ZDHHC15: variants seen among roughly 807,000 people sequenced by gnomAD.
ZDHHC15 encodes the protein zDHHC palmitoyltransferase 15.
Under a neutral mutation model 31.7 loss-of-function variants are expected in ZDHHC15, and 19 were observed. The ratio of observed to expected loss-of-function variants is 0.60; its 90% CI spans 0.42 to 0.88. ZDHHC15 has a LOEUF of 0.88. Among genes scored for constraint, ZDHHC15 ranks in the 40% least tolerant of loss-of-function variants. The pLI is 0.00. For synonymous variants in ZDHHC15, 103 were observed against 90.0 expected (o/e 1.14, Z -0.82); for missense variants, 209 against 251.2 (o/e 0.83, Z 1.14).
chrX:75,463,604 C>CAACAAA (rs1296063398), intron 3 of ZDHHC15, among the ~76,000 whole-genome samples: 49 of 110,861 alleles, frequency 4.4e-4, no homozygotes, highest in Middle Eastern at 4.7e-3. Context: ...ACAACAACAA[C>CAACAAA]AAAAAACCCA....
At chrX:75,458,039 T>C (rs752794425) in intron 3 of ZDHHC15, among the ~76,000 whole-genome samples, 8 of 111,596 alleles carry the variant, frequency 7.2e-5, no homozygotes, top group African/African-American at 2.6e-4. Flanking sequence ...AGAATGTTCA[T>C]TGGAGCTTTA....
chrX:75,515,127 C>T (rs1404857682), intron 1 of ZDHHC15, among the ~76,000 whole-genome samples: 3 of 111,032 alleles, frequency 2.7e-5, no homozygotes, highest in Non-Finnish European at 5.7e-5. Context: ...TGGATTCATA[C>T]CCGAATTCTA....
In ZDHHC15 at chrX:75,429,969, T is replaced by C. The variant is rs371872379; in HGVS notation, c.461A>G (p.Lys154Arg). 8.3e-7 allele frequency: 1 copy of C among 1,209,789 alleles called. No individual in the cohort carries two copies. Among genetic ancestry groups the C allele is most frequent in the Non-Finnish European group, 1.1e-6 (1 of 894,387 alleles). Reference sequence around the variant, plus strand: ...ATACCAAGGGCAGTGATGATCCATTTTTAACACACACCTACGAAGGGGACA... The same window carrying C: ...ATACCAAGGGCAGTGATGATCCATTCTTAACACACACCTACGAAGGGGACA... ...HCSVCAMCVLKMDHHCPWVNN... is the reference protein window; with the variant it reads ...HCSVCAMCVLRMDHHCPWVNN... The change falls in exon 6 of 12, where the codon AAA becomes AGA. Residue 154 changes from lysine (K) to arginine (R), a missense_variant. Lys to Arg is a conservative substitution (Grantham distance 26, BLOSUM62 2). Coordinates refer to ENST00000373367, the MANE Select transcript of ZDHHC15 (RefSeq NM_144969.3).
At chrX:75,456,848 G>A (rs771611728) in intron 3 of ZDHHC15, among the ~76,000 whole-genome samples, 101 of 111,301 alleles carry the variant, frequency 9.1e-4, no homozygotes, top group Admixed American at 2.1e-3. Flanking sequence ...GCCACATACT[G>A]TAAATTTAGA....
chrX:75,398,808 T>A (rs761108236), intron 10 of ZDHHC15, among the ~76,000 whole-genome samples: 17 of 111,323 alleles, frequency 1.5e-4, no homozygotes, highest in South Asian at 3.8e-4. Context: ...CTTCAGAGTG[T>A]GAGGTGACCA....
chrX:75,448,316 C>T (rs754232314), intron 4 of ZDHHC15, among the ~76,000 whole-genome samples: 2 of 111,994 alleles, frequency 1.8e-5, no homozygotes, highest in East Asian at 2.8e-4. Flanking sequence ...TTGCTAAAGG[C>T]AAAGGGAGTA....
At chrX:75,462,262 C>A (rs1402490594) in intron 3 of ZDHHC15, among the ~76,000 whole-genome samples, 2 of 111,526 alleles carry the variant, frequency 1.8e-5, no homozygotes, top group Non-Finnish European at 3.8e-5. Context: ...CAGGAGCACC[C>A]ATATTCATAA....
chrX:75,384,856 T>A (rs2083163156), intron 10 of ZDHHC15: 1 of 539,452 alleles, frequency 1.9e-6, no homozygotes, highest in Non-Finnish European at 3.3e-6. Context: ...ATAAAAGACA[T>A]CTGGGCTGTA....
intron 1 of ZDHHC15, among the ~76,000 whole-genome samples, chrX:75,513,778 A>G (rs2085313568): frequency 9.0e-6 from 1 of 111,643 alleles, no homozygotes; most frequent in Non-Finnish European, 1.9e-5. Context: ...AACTCCAAAT[A>G]GAATAAACTA....
In ZDHHC15 at chrX:75,435,692, C is replaced by A. The variant is rs73490416; in HGVS notation, c.380-4172G>T. 9.5e-3 allele frequency among the ~76,000 whole-genome samples: 1,066 copies of A among 112,083 alleles called. 19 individuals are homozygous for A. Among genetic ancestry groups the A allele is most frequent in the African/African-American group, 0.032 (993 of 30,871 alleles). On this transcript the variant is annotated intron_variant, in intron 4 of 11. Coordinates refer to ENST00000373367, the MANE Select transcript of ZDHHC15 (RefSeq NM_144969.3). The stretch of plus-strand genomic sequence containing the variant: ...AACCCTGAATCCATGGTATGAAACC[C>A]ACATGATGATGATGGATTATGTTTT...
chrX:75,516,343 A>C (rs2085356029), intron 1 of ZDHHC15, among the ~76,000 whole-genome samples: 1 of 112,187 alleles, frequency 8.9e-6, no homozygotes, highest in South Asian at 3.8e-4. Flanking sequence ...CTATACTACA[A>C]GGCTACAGTA....
chrX:75,444,520 T>G (rs2083998530), intron 4 of ZDHHC15, among the ~76,000 whole-genome samples: 1 of 100,718 alleles, frequency 9.9e-6, no homozygotes, highest in African/African-American at 3.7e-5. Context: ...CTAATGTAAA[T>G]GGCGAGTTAA....
intron 1 of ZDHHC15, among the ~76,000 whole-genome samples, chrX:75,516,008 C>T (rs991390989): frequency 9.0e-6 from 1 of 111,145 alleles, no homozygotes; most frequent in African/African-American, 3.3e-5. Flanking sequence ...AATAAAATAC[C>T]TAGGAATCCA....
chrX:75,388,551 A>T (rs1461224788), intron 10 of ZDHHC15, among the ~76,000 whole-genome samples: 1 of 111,806 alleles, frequency 8.9e-6, no homozygotes, highest in Non-Finnish European at 1.9e-5. Flanking sequence ...TTTTTTGGTA[A>T]GCCTCATGAT....
At chrX:75,446,759 G>A (rs1054672993) in intron 4 of ZDHHC15, among the ~76,000 whole-genome samples, 5 of 111,110 alleles carry the variant, frequency 4.5e-5, no homozygotes, top group African/African-American at 1.6e-4. Context: ...GCCCTCTCAT[G>A]GTGAAAGGGG....
At chrX:75,519,381 TTGA>T (rs1213625354) in intron 1 of ZDHHC15, among the ~76,000 whole-genome samples, 1 of 111,204 alleles carries the variant, frequency 9.0e-6, no homozygotes, top group Non-Finnish European at 1.9e-5. Flanking sequence ...ATCATGTTAT[TTGA>T]GCCTCACAGC....
intron 4 of ZDHHC15, among the ~76,000 whole-genome samples, chrX:75,440,417 C>T (rs983639859): frequency 9.0e-6 from 1 of 111,025 alleles, no homozygotes; most frequent in African/African-American, 3.3e-5. Flanking sequence ...GTAGCTGGGA[C>T]TACAGGCGCC....
intron 10 of ZDHHC15, among the ~76,000 whole-genome samples, chrX:75,385,401 T>G (rs771762595): frequency 1.6e-3 from 183 of 111,446 alleles, no homozygotes; most frequent in Non-Finnish European, 3.1e-3. Flanking sequence ...CTTCACATCA[T>G]GCCCCAGCTC....
At chrX:75,375,394 C>T (rs906283113) in intron 11 of ZDHHC15, among the ~76,000 whole-genome samples, 1 of 111,977 alleles carries the variant, frequency 8.9e-6, no homozygotes, top group Non-Finnish European at 1.9e-5. Flanking sequence ...TGCCCATTTA[C>T]TTTTTACAAA....
Sources: gnomAD v4.1 joint callset for allele counts (sites outside exome capture counted in the v4.1 genomes callset) on GRCh38, gnomAD v4.1.1 for gene constraint, MANE v1.5 for transcripts, NCBI Gene and HGNC (gene_info 2026-07-23, HGNC 2026-07-21) for gene names.